RPTOR: variants seen among roughly 807,000 people sequenced by gnomAD.
RPTOR encodes regulatory-associated protein of mTOR.
RPTOR carries 21 observed loss-of-function variants against 169.9 expected under a neutral mutation model. The observed-to-expected ratio is 0.12, with a 90% CI of 0.09 to 0.18. The LOEUF (loss-of-function observed/expected upper bound fraction) is 0.18. Ranked by LOEUF, RPTOR falls within the 10% of genes least tolerant of loss-of-function variation. The pLI is 1.00. For missense variants in RPTOR, 1,133 were observed against 1,855.9 expected, an observed-to-expected ratio of 0.61 and a Z score of 7.16; for synonymous variants, 732 against 753.2, an observed-to-expected ratio of 0.97 and a Z score of 0.46.
At chr17:80,594,185 C>T (rs1387452998) in intron 1 of RPTOR, among the ~76,000 whole-genome samples, 1 of 152,170 alleles carries the variant, frequency 6.6e-6, no homozygotes, top group African/African-American at 2.4e-5. Flanking sequence ...CCTCTGCCTC[C>T]TGGGTTCAAG....
At chr17:80,874,205 C>CTT (rs34199351) in intron 13 of RPTOR, among the ~76,000 whole-genome samples, 12 of 144,602 alleles carry the variant, frequency 8.3e-5, no homozygotes, top group East Asian at 2.0e-4. Context: ...AACTAAAGGG[C>CTT]TTTTTTTTTT....
intron 29 of RPTOR, among the ~76,000 whole-genome samples, chr17:80,958,326 G>A (rs902304354): frequency 7.3e-5 from 11 of 151,586 alleles, no homozygotes; most frequent in African/African-American, 1.9e-4. Context: ...TCCTGGCTCC[G>A]GCAATCTTCC....
rs544012925 is a variant in RPTOR at position 80,858,031 on chromosome 17, C to G, written c.1509+131C>G. On this transcript the variant is annotated intron_variant, in intron 13 of 33. Transcript: ENST00000306801. ...CTCCAGGCACCGCCGTTCCCTTCCT[C>G]TCTTCTGGGGTAAAGTGGGACGCGC... 8.0e-6 allele frequency: 6 copies of G among 747,182 alleles called. No individual in the cohort carries two copies. The South Asian group carries it at 8.1e-5, about 10-fold the overall frequency. 46.3% of individuals were successfully genotyped at this position (747,182 alleles called of 1,614,324 possible).
intron 2 of RPTOR, among the ~76,000 whole-genome samples, chr17:80,638,504 C>T (rs2065526836): frequency 1.4e-5 from 2 of 146,510 alleles, no homozygotes; most frequent in Admixed American, 7.0e-5. Context: ...TGGACTCAAG[C>T]GATCCTCCCA....
intron 25 of RPTOR, 159 bp from the exon 26 acceptor site, chr17:80,945,508 T>G: frequency 2.1e-6 from 1 of 474,662 alleles, no homozygotes; most frequent in Non-Finnish European, 3.8e-6. Context: ...AGGAGAATGG[T>G]GTGAACCTGG....
intron 21 of RPTOR, among the ~76,000 whole-genome samples, chr17:80,917,566 A>G (rs536680351): frequency 6.6e-6 from 1 of 152,220 alleles, no homozygotes; most frequent in Non-Finnish European, 1.5e-5. Flanking sequence ...TTAATTCAGC[A>G]TGTTTGCAAT....
intron 28 of RPTOR, among the ~76,000 whole-genome samples, chr17:80,954,210 C>T (rs1384950958): frequency 6.6e-6 from 1 of 152,102 alleles, no homozygotes; most frequent in Non-Finnish European, 1.5e-5. Context: ...CAACCTCCAC[C>T]TCTCAGGTTC....
rs2066189559 is a variant in RPTOR, at chr17:80,711,442, TCAC to T, written c.507+3447_507+3449del. On this transcript the variant is annotated intron_variant, in intron 4 of 33. Coordinates refer to ENST00000306801, the MANE Select transcript of RPTOR (RefSeq NM_020761.3). Reference sequence around the variant, plus strand: ...CTAAGAACGAGGATGGCTTTCTGTATCACCACATTACCGTCAAATTGCTCAAGA... The same window carrying T: ...CTAAGAACGAGGATGGCTTTCTGTATCACATTACCGTCAAATTGCTCAAGA... Among the ~76,000 whole-genome samples the T allele has an allele frequency of 2.6e-5, 4 of 152,188 alleles. No homozygotes were observed. In the South Asian group the frequency reaches 8.3e-4, roughly 32 times the overall value.
At position 80,878,287 on chromosome 17, in the gene RPTOR, G is replaced by A. The variant is rs758995535; in HGVS notation, c.1510-2128G>A. ...ACACAGCATCCATGATTTGTACATC[G>A]CACTGCAGTTTCAGACTGCTTTCAC... On this transcript the variant is annotated intron_variant, in intron 13 of 33. Transcript: ENST00000306801. This position sits in a 1 kb window ranked among gnomAD's most constrained non-coding sequence, Gnocchi z 4.1. Among the ~76,000 whole-genome samples the A allele has an allele frequency of 7.9e-5, 12 of 152,000 alleles. No individual in the cohort carries two copies. Among genetic ancestry groups the A allele is most frequent in the Non-Finnish European group, 1.6e-4 (11 of 68,014 alleles).
intron 13 of RPTOR, among the ~76,000 whole-genome samples, chr17:80,874,350 C>T (rs1008870757): frequency 6.6e-6 from 1 of 152,098 alleles, no homozygotes; most frequent in Non-Finnish European, 1.5e-5. Flanking sequence ...GCGCGTGCCA[C>T]CACGCCCAGC....
At chr17:80,954,200 C>T (rs905386457) in intron 28 of RPTOR, among the ~76,000 whole-genome samples, 4 of 151,972 alleles carry the variant, frequency 2.6e-5, no homozygotes, top group Admixed American at 6.6e-5. Context: ...TGGCTCACTG[C>T]AACCTCCACC....
intron 21 of RPTOR, among the ~76,000 whole-genome samples, chr17:80,910,892 A>G (rs4969225): frequency 0.89 from 133,784 of 150,610 alleles, 59,585 homozygotes; most frequent in African/African-American, 0.95. Context: ...GTGCAGTGGC[A>G]CAATCTCAGC....
chr17:80,844,828 G>C lies in RPTOR; in HGVS notation c.1213-1645G>C, dbSNP rs747895672. Among the ~76,000 whole-genome samples the C allele has an allele frequency of 6.6e-6, 1 of 152,170 alleles. No individual in the cohort carries two copies. The highest frequency in any genetic ancestry group is 2.4e-5 in the African/African-American group (1 of 41,442). On this transcript the variant is annotated intron_variant, in intron 10 of 33. Transcript: ENST00000306801. This position sits in a 1 kb window ranked among gnomAD's most constrained non-coding sequence, Gnocchi z 4.7. ...ATTCACTGGAACCCGGGGCACAGCC[G>C]ACCCCGGCCAGATGAGCGGAGGGAG...
At chr17:80,829,521 G>A (rs1353536426) in intron 9 of RPTOR, among the ~76,000 whole-genome samples, 5 of 152,164 alleles carry the variant, frequency 3.3e-5, no homozygotes, top group South Asian at 2.1e-4. Flanking sequence ...CATCCAACCC[G>A]ACACATCCAA....
intron 3 of RPTOR, among the ~76,000 whole-genome samples, chr17:80,687,384 C>T (rs893009028): frequency 6.6e-6 from 1 of 152,258 alleles, no homozygotes; most frequent in Admixed American, 6.5e-5. Flanking sequence ...CAGGACTCTG[C>T]CACTGGTCAC....
At chr17:80,825,049 G>A (rs1382471809) in intron 9 of RPTOR, among the ~76,000 whole-genome samples, 1 of 150,134 alleles carries the variant, frequency 6.7e-6, no homozygotes, top group Non-Finnish European at 1.5e-5. Context: ...GGCGAGGCCA[G>A]TATGGGGCAG....
intron 1 of RPTOR, among the ~76,000 whole-genome samples, chr17:80,584,761 A>G (rs931895361): frequency 2.6e-5 from 4 of 152,192 alleles, no homozygotes; most frequent in African/African-American, 9.7e-5. Context: ...TCTCTTAGCC[A>G]CTTAGAAACA....
chr17:80,694,486 G>C (rs2143750931), intron 3 of RPTOR, among the ~76,000 whole-genome samples: 1 of 152,358 alleles, frequency 6.6e-6, no homozygotes, highest in Admixed American at 6.5e-5. Flanking sequence ...TGGTGCTGAA[G>C]GCTTGTGCGT....
In RPTOR at chr17:80,803,447, T is replaced by G. The variant is rs2067183699; in HGVS notation, c.890+11938T>G. 6.6e-6 allele frequency: 1 copy of G among 152,408 alleles called. No homozygotes were observed. The highest frequency in any genetic ancestry group is 1.5e-5 in the Non-Finnish European group (1 of 68,248). 9.4% of individuals were successfully genotyped at this position (152,408 alleles called of 1,614,324 possible). ...CAGTTTGCTGCTCCGTGCTGCACAG[T>G]CCCCTCTGTCAGAGCCTGGTCGCTG... On this transcript the variant is annotated intron_variant, in intron 7 of 33. Coordinates refer to ENST00000306801, the MANE Select transcript of RPTOR (RefSeq NM_020761.3). The surrounding 1 kb of genome is among the most constrained non-coding windows in gnomAD (Gnocchi z 6.2).
Sources: gnomAD v4.1 joint callset for allele counts (sites outside exome capture counted in the v4.1 genomes callset) on GRCh38, gnomAD v4.1.1 for gene constraint, Gnocchi (gnomAD v3.1) non-coding constraint, MANE v1.5 for transcripts, NCBI Gene and HGNC (gene_info 2026-07-23, HGNC 2026-07-21) for gene names.